NRG3: variants seen among roughly 807,000 people sequenced by gnomAD.
NRG3 encodes pro-neuregulin-3, membrane-bound isoform.
A neutral mutation model predicts 66.9 loss-of-function variants in NRG3; 31 were observed. That is an observed-to-expected ratio of 0.46 (90% CI 0.35 to 0.63). NRG3 has a LOEUF of 0.63. NRG3 is among the 20% of genes least tolerant of loss of function. The pLI, the probability that NRG3 is intolerant of heterozygous loss-of-function variation, is 0.00. For synonymous variants in NRG3, 393 were observed against 359.4 expected (o/e 1.09, Z -1.06); for missense variants, 910 against 878.9 (o/e 1.04, Z -0.45).
In NRG3 at chr10:82,849,295, T is replaced by G. The variant is rs146763733; in HGVS notation, c.1028-16116T>G. On this transcript the variant is annotated intron_variant, in intron 3 of 8. Transcript: ENST00000372141. ...AGAGTGACATAGGACAGATTCTGCC[T>G]CACAATCCTGAGATGGAACAAACAC... Among the ~76,000 whole-genome samples the G allele has an allele frequency of 6.0e-3, 920 of 152,212 alleles. 8 individuals carry two copies. Among genetic ancestry groups the G allele is most frequent in the African/African-American group, 0.02 (812 of 41,522 alleles).
intron 2 of NRG3, among the ~76,000 whole-genome samples, chr10:82,710,827 T>A (rs2056622418): frequency 6.6e-6 from 1 of 152,098 alleles, no homozygotes; most frequent in African/African-American, 2.4e-5. Flanking sequence ...AAGTTATACA[T>A]TCATAAAAGT....
intron 4 of NRG3, among the ~76,000 whole-genome samples, chr10:82,887,208 A>G (rs1024451553): frequency 2.6e-5 from 4 of 152,180 alleles, no homozygotes; most frequent in Non-Finnish European, 4.4e-5. Flanking sequence ...AGAGATTAGG[A>G]TAGAGCAAGC....
intron 1 of NRG3, among the ~76,000 whole-genome samples, chr10:82,337,906 T>C (rs1290125252): frequency 1.3e-5 from 2 of 152,192 alleles, no homozygotes; most frequent in Non-Finnish European, 2.9e-5. Flanking sequence ...TTAATCATAT[T>C]ACATAAATAA....
chr10:81,885,443 C>A (rs1349613571), intron 1 of NRG3, among the ~76,000 whole-genome samples: 1 of 152,156 alleles, frequency 6.6e-6, no homozygotes, highest in African/African-American at 2.4e-5. Flanking sequence ...GTACCCATCA[C>A]TGATTATCTA....
At chr10:82,070,148 T>C (rs569694874) in intron 1 of NRG3, among the ~76,000 whole-genome samples, 1 of 152,280 alleles carries the variant, frequency 6.6e-6, no homozygotes, top group African/African-American at 2.4e-5. Flanking sequence ...GCTTTCAAAT[T>C]CCTTGCTAAG....
intron 1 of NRG3, among the ~76,000 whole-genome samples, chr10:82,116,519 T>C (rs543993750): frequency 6.6e-6 from 1 of 152,284 alleles, no homozygotes; most frequent in Non-Finnish European, 1.5e-5. Flanking sequence ...TGACATTTAC[T>C]TTGTTTTTGG....
At chr10:81,985,209 C>A (rs1564712961) in intron 1 of NRG3, among the ~76,000 whole-genome samples, 2 of 152,192 alleles carry the variant, frequency 1.3e-5, no homozygotes, top group Non-Finnish European at 2.9e-5. Context: ...GGAGACTGAG[C>A]ACAACATTAA....
rs1159440203 is a variant in NRG3 at position 81,875,864 on chromosome 10, T to C, written c.524T>C (p.Ile175Thr). Reference sequence around the variant, plus strand: ...CGCTTCCCCGGGCACCGGGTGCCCATCCGGGCCAGCCCGCGCTCCACCACA... The same window carrying C: ...CGCTTCCCCGGGCACCGGGTGCCCACCCGGGCCAGCCCGCGCTCCACCACA... The part of the protein sequence containing the change: ...PTRFPGHRVP[I>T]RASPRSTTAR... Residue 175 changes from isoleucine (I) to threonine (T), a missense_variant, in exon 1 of 9, where the codon ATC (isoleucine) becomes ACC (threonine). Coordinates refer to ENST00000372141, the MANE Select transcript of NRG3 (RefSeq NM_001010848.4). The surrounding 1 kb of genome is among the most constrained non-coding windows in gnomAD (Gnocchi z 5.3). The C allele has an allele frequency of 6.2e-7, 1 of 1,610,384 alleles. No individual in the cohort carries two copies.
rs111570317 is a variant in NRG3, at chr10:82,265,110, A to G, written c.824-93629A>G. Among the ~76,000 whole-genome samples, 945 of 152,192 alleles carry G rather than the reference A, an allele frequency of 6.2e-3. 5 individuals are homozygous for G. The highest frequency in any genetic ancestry group is 0.02 in the African/African-American group (847 of 41,522). On this transcript the variant is annotated intron_variant, in intron 1 of 8. Coordinates refer to ENST00000372141, the MANE Select transcript of NRG3 (RefSeq NM_001010848.4). Reference sequence around the variant, plus strand: ...AGAGAATAAAAGGTGTGAGAAAGTCACCCTTGATAATAAGATAGTAAATTA... The same window carrying G: ...AGAGAATAAAAGGTGTGAGAAAGTCGCCCTTGATAATAAGATAGTAAATTA...
intron 2 of NRG3, among the ~76,000 whole-genome samples, chr10:82,630,301 G>A (rs543163124): frequency 2.0e-5 from 3 of 151,548 alleles, no homozygotes; most frequent in Non-Finnish European, 4.4e-5. Flanking sequence ...TTTCAAGATA[G>A]GGTTGTGTAA....
intron 2 of NRG3, among the ~76,000 whole-genome samples, chr10:82,539,036 G>T (rs536843494): frequency 6.6e-6 from 1 of 152,212 alleles, no homozygotes; most frequent in African/African-American, 2.4e-5. Context: ...CCGCAAGATT[G>T]GATTTACTCT....
intron 2 of NRG3, among the ~76,000 whole-genome samples, chr10:82,677,249 C>T (rs2053770116): frequency 6.6e-6 from 1 of 151,968 alleles, no homozygotes; most frequent in Non-Finnish European, 1.5e-5. Flanking sequence ...ATGGGGGTTT[C>T]ACCATGTTGC....
chr10:82,864,252 A>G (rs2064301866), intron 3 of NRG3, among the ~76,000 whole-genome samples: 1 of 152,202 alleles, frequency 6.6e-6, no homozygotes, highest in Admixed American at 6.5e-5. Flanking sequence ...CACCAACTTA[A>G]TAATTAATGA....
At chr10:82,039,613 C>T (rs1021899378) in intron 1 of NRG3, among the ~76,000 whole-genome samples, 5 of 152,088 alleles carry the variant, frequency 3.3e-5, no homozygotes, top group African/African-American at 7.2e-5. Flanking sequence ...ACAGTGAACT[C>T]GTCATTAATT....
intron 8 of NRG3, 62 bp from the exon 9 acceptor site, chr10:82,985,036 G>C: frequency 1.3e-6 from 2 of 1,563,832 alleles, no homozygotes; most frequent in Non-Finnish European, 1.7e-6. Context: ...TTTGTGGATT[G>C]AGTATTGCTC....
intron 2 of NRG3, among the ~76,000 whole-genome samples, chr10:82,390,648 T>C (rs770977062): frequency 9.2e-5 from 14 of 152,184 alleles, no homozygotes; most frequent in Non-Finnish European, 1.8e-4. Context: ...TTACTTGTCT[T>C]AACCTAGAGG....
chr10:82,619,962 A>C (rs964743088), intron 2 of NRG3, among the ~76,000 whole-genome samples: 1 of 152,192 alleles, frequency 6.6e-6, no homozygotes, highest in East Asian at 1.9e-4. Context: ...CTAATGATGC[A>C]GGAGTTTTTC....
chr10:82,513,292 C>A lies in NRG3; in HGVS notation c.953+154424C>A, dbSNP rs547266717. Reference sequence around the variant, plus strand: ...CCCTGCAAAGGACATGACTTCATTCCTTTTTATGGCTGCATAGTATTTCAA... The same window carrying A: ...CCCTGCAAAGGACATGACTTCATTCATTTTTATGGCTGCATAGTATTTCAA... On this transcript the variant is annotated intron_variant, in intron 2 of 8. Transcript: ENST00000372141. Among the ~76,000 whole-genome samples, 82 of 152,264 alleles carry A rather than the reference C, an allele frequency of 5.4e-4. 1 individual carries two copies. The highest frequency in any genetic ancestry group is 2.7e-3 in the Admixed American group (41 of 15,286).
chr10:82,207,539 G>A (rs1041081530), intron 1 of NRG3, among the ~76,000 whole-genome samples: 1 of 152,126 alleles, frequency 6.6e-6, no homozygotes, highest in East Asian at 1.9e-4. Flanking sequence ...AATATCAGCT[G>A]CTGTTACATT....
Sources: gnomAD v4.1 joint callset for allele counts (sites outside exome capture counted in the v4.1 genomes callset) on GRCh38, gnomAD v4.1.1 for gene constraint, Gnocchi (gnomAD v3.1) non-coding constraint, MANE v1.5 for transcripts, NCBI Gene and HGNC (gene_info 2026-07-23, HGNC 2026-07-21) for gene names.